The following JADE1 variants were observed in gnomAD, a reference collection of about 807,000 sequenced individuals.
JADE1 encodes the protein jade family PHD finger 1, also known as protein Jade-1.
In JADE1, 14 loss-of-function variants were observed where a neutral mutation model predicts 81.8. The observed-to-expected ratio is 0.17, with a 90% confidence interval of 0.11 to 0.27. The LOEUF is 0.27. Ranked by LOEUF, JADE1 falls within the 10% of genes least tolerant of loss-of-function variation. The pLI is 1.00. For missense variants in JADE1, 690 were observed against 1,047.9 expected (o/e 0.66, Z 4.71); for synonymous variants, 353 against 391.9 (o/e 0.90, Z 1.17).
At chr4:128,848,769 C>T (rs1047222613) in intron 4 of JADE1, among the ~76,000 whole-genome samples, 1 of 152,210 alleles carries the variant, frequency 6.6e-6, no homozygotes, top group Non-Finnish European at 1.5e-5. Flanking sequence ...TTGAAGGCTT[C>T]TACAGTGTTT....
chr4:128,839,734 C>G (rs1371110891), intron 2 of JADE1, among the ~76,000 whole-genome samples: 1 of 152,076 alleles, frequency 6.6e-6, no homozygotes, highest in Non-Finnish European at 1.5e-5. Flanking sequence ...ATCAGTAGCT[C>G]ATTCCTTTTT....
intron 1 of JADE1, chr4:128,811,304 CGCG>C (rs1425002500): frequency 2.6e-5 from 4 of 152,446 alleles, no homozygotes; most frequent in African/African-American, 9.7e-5. Flanking sequence ...AGTGGCGGAG[CGCG>C]GCGGCGGGAG....
chr4:128,828,154 A>C (rs1346227610), intron 1 of JADE1, among the ~76,000 whole-genome samples: 1 of 152,170 alleles, frequency 6.6e-6, no homozygotes, highest in Admixed American at 6.5e-5. Flanking sequence ...ACCTCCTAAT[A>C]TATGAGATAT....
intron 2 of JADE1, among the ~76,000 whole-genome samples, chr4:128,842,277 A>G (rs182725688): frequency 2.0e-5 from 3 of 152,024 alleles, no homozygotes; most frequent in Admixed American, 2.0e-4. Context: ...AAAACTCAGT[A>G]AGATGTTTTT....
At position 128,862,782 on chromosome 4, in the gene JADE1, T is replaced by C. The variant is rs542320346; in HGVS notation, c.1503+557T>C. On this transcript the variant is annotated intron_variant, in intron 9 of 10. Coordinates refer to ENST00000226319, the MANE Select transcript of JADE1 (RefSeq NM_199320.4). ...CACAGGGGAATTCCCAGTACTGTCA[T>C]GGAGCAGAGCAGGCAGTGGGTGCTG... The C allele has an allele frequency of 8.0e-6, 8 of 1,002,980 alleles. No homozygotes were observed. The African/African-American group carries it at 1.0e-4, about 13-fold the overall frequency. 62.1% of individuals were successfully genotyped at this position (1,002,980 alleles called of 1,614,324 possible).
intron 6 of JADE1, 99 bp downstream of exon 6, chr4:128,852,367 G>T: frequency 4.4e-6 from 4 of 914,666 alleles, no homozygotes; most frequent in Non-Finnish European, 6.9e-6. Context: ...CTCCGAATGG[G>T]GTCTGTGTTT....
At chr4:128,827,604 T>G (rs1728188533) in intron 1 of JADE1, among the ~76,000 whole-genome samples, 1 of 152,214 alleles carries the variant, frequency 6.6e-6, no homozygotes, top group Non-Finnish European at 1.5e-5. Flanking sequence ...CACTTTGGAC[T>G]TAGACCTATT....
chr4:128,812,173 CGCTGCGGAGGGAGCGGG>C (rs1439973922), intron 1 of JADE1, among the ~76,000 whole-genome samples: 1 of 151,910 alleles, frequency 6.6e-6, no homozygotes, highest in Non-Finnish European at 1.5e-5. Context: ...GCGGGGACGC[CGCTGCGGAGGGAGCGGG>C]GCTTGGTTGC....
chr4:128,868,054 T>A, intron 10 of JADE1, 81 bp downstream of exon 10: 1 of 669,772 alleles, frequency 1.5e-6, no homozygotes. Flanking sequence ...AATAATCATT[T>A]CTTAATTTTC....
intron 1 of JADE1, among the ~76,000 whole-genome samples, chr4:128,814,914 C>A (rs1215170309): frequency 6.6e-6 from 1 of 151,686 alleles, no homozygotes; most frequent in Non-Finnish European, 1.5e-5. Context: ...TTAATATAAT[C>A]TATTACTGTA....
rs375683069 is a variant in JADE1, at chr4:128,836,329, A to T, written c.52+4519A>T. ...ACATATTTTATATGTCATATGTATTATATACTGTATTTTTACAATAAAGTA... is the reference window on the plus strand; with the variant it reads ...ACATATTTTATATGTCATATGTATTTTATACTGTATTTTTACAATAAAGTA... On this transcript the variant is annotated intron_variant, in intron 2 of 10. Coordinates refer to ENST00000226319, the MANE Select transcript of JADE1 (RefSeq NM_199320.4). Among the ~76,000 whole-genome samples, 65 of 152,316 alleles carry T rather than the reference A, an allele frequency of 4.3e-4. 3 individuals are homozygous for T. The South Asian group carries it at 0.013, about 31-fold the overall frequency.
At chr4:128,818,022 G>T (rs142380091) in intron 1 of JADE1, among the ~76,000 whole-genome samples, 1 of 152,006 alleles carries the variant, frequency 6.6e-6, no homozygotes, top group Non-Finnish European at 1.5e-5. Context: ...GGAGCCTCAG[G>T]GGTTTTCTTT....
intron 1 of JADE1, chr4:128,811,352 A>T (rs1401617679): frequency 1.3e-5 from 2 of 152,022 alleles, no homozygotes; most frequent in Admixed American, 1.3e-4. Context: ...GGGGTGCCTC[A>T]ACTTCCGCGG....
chr4:128,859,020 C>T (rs1478055777), intron 8 of JADE1, among the ~76,000 whole-genome samples: 2 of 152,130 alleles, frequency 1.3e-5, no homozygotes, highest in Non-Finnish European at 2.9e-5. Context: ...GGTCATGAGA[C>T]AGCTGGTGGG....
chr4:128,839,181 C>T (rs1007837674), intron 2 of JADE1, among the ~76,000 whole-genome samples: 1 of 152,142 alleles, frequency 6.6e-6, no homozygotes, highest in Non-Finnish European at 1.5e-5. Context: ...GTAAATTCTG[C>T]GTCTTATACC....
At chr4:128,835,078 A>G (rs1579148626) in intron 2 of JADE1, among the ~76,000 whole-genome samples, 2 of 152,160 alleles carry the variant, frequency 1.3e-5, no homozygotes, top group South Asian at 4.2e-4. Context: ...TCAACTCACA[A>G]GTCTGTACTG....
chr4:128,842,728 A>C (rs1047166708), intron 2 of JADE1, among the ~76,000 whole-genome samples: 2 of 152,210 alleles, frequency 1.3e-5, no homozygotes, highest in African/African-American at 2.4e-5. Flanking sequence ...TCCTTGATAC[A>C]GCATCCCTGC....
chr4:128,859,726 T>C (rs1388557372), intron 8 of JADE1, among the ~76,000 whole-genome samples: 1 of 152,210 alleles, frequency 6.6e-6, no homozygotes, highest in Non-Finnish European at 1.5e-5. Context: ...CCATAATTAA[T>C]GTTTAAAAGA....
intron 1 of JADE1, among the ~76,000 whole-genome samples, chr4:128,825,990 C>G (rs1268191262): frequency 6.6e-6 from 1 of 152,192 alleles, no homozygotes; most frequent in Non-Finnish European, 1.5e-5. Context: ...CAGCCAGGGT[C>G]TTTGGCCAGT....
Sources: allele counts gnomAD v4.1 joint callset (sites outside exome capture counted in the v4.1 genomes callset), GRCh38; gene constraint gnomAD v4.1.1; transcripts MANE v1.5; gene names NCBI Gene and HGNC (gene_info 2026-07-23, HGNC 2026-07-21).